Variants in DLC1 observed in about 807,000 individuals in gnomAD.
DLC1 encodes rho GTPase-activating protein 7.
In DLC1, 54 loss-of-function variants were observed where a neutral mutation model predicts 140.3. The observed-to-expected ratio is 0.38, with a 90% confidence interval of 0.31 to 0.48. The LOEUF is 0.48. DLC1 is among the 20% of genes least tolerant of loss of function. The pLI, the probability that DLC1 is intolerant of heterozygous loss-of-function variation, is 0.96. For missense variants in DLC1, 2,536 were observed against 1,907.0 expected (o/e 1.33, Z -6.14); for synonymous variants, 986 against 728.1 (o/e 1.35, Z -5.70).
At chr8:13,338,437 A>G (rs1833895826) in intron 4 of DLC1, 1 of 152,236 alleles carries the variant, frequency 6.6e-6, no homozygotes, top group Non-Finnish European at 1.5e-5. Flanking sequence ...TTAGAAAAGA[A>G]TAAATCATTC....
intron 2 of DLC1, among the ~76,000 whole-genome samples, chr8:13,448,048 G>A (rs1010965821): frequency 2.6e-5 from 4 of 152,160 alleles, no homozygotes; most frequent in Admixed American, 6.5e-5. Context: ...ATAACTAAAT[G>A]TTAATGACTT....
intron 5 of DLC1, among the ~76,000 whole-genome samples, chr8:13,127,630 G>C (rs772379887): frequency 1.3e-5 from 2 of 152,244 alleles, no homozygotes; most frequent in Non-Finnish European, 2.9e-5. Flanking sequence ...CTGTGGGGCA[G>C]CACCGTGCAT....
upstream of DLC1, among the ~76,000 whole-genome samples, chr8:13,518,120 G>GTTTTT (rs76744003): frequency 1.3e-5 from 2 of 151,756 alleles, no homozygotes; most frequent in African/African-American, 4.8e-5. Context: ...TTTTGTTTTT[G>GTTTTT]TTTTTGAGAC....
chr8:13,248,068 G>A (rs1829839194), intron 5 of DLC1, among the ~76,000 whole-genome samples: 1 of 152,230 alleles, frequency 6.6e-6, no homozygotes, highest in Admixed American at 6.5e-5. Context: ...CAGGAAAGCA[G>A]GCACCTGGTT....
intron 1 of DLC1, among the ~76,000 whole-genome samples, chr8:13,582,879 T>TATAA (rs1805161210): frequency 5.0e-4 from 3 of 6,016 alleles, no homozygotes; most frequent in Non-Finnish European, 8.4e-4. Flanking sequence ...TACTGTGGTC[T>TATAA]ATATATATAT....
At chr8:13,305,386 A>G in intron 4 of DLC1, 84 bp from the exon 5 acceptor site, 1 of 1,398,408 alleles carries the variant, frequency 7.2e-7, no homozygotes, top group Non-Finnish European at 9.7e-7. Flanking sequence ...AGTGTAATTA[A>G]TGACGCAAAA....
At position 13,090,193 on chromosome 8, in the gene DLC1, T is replaced by G. The variant is rs895253357; in HGVS notation, c.4074+59A>C. The G allele has an allele frequency of 2.6e-6, 4 of 1,522,784 alleles. No homozygotes were observed. In the Admixed American group the frequency reaches 7.2e-5, roughly 28 times the overall value. 94.3% of individuals were successfully genotyped at this position (1,522,784 alleles called of 1,614,324 possible). A position where few individuals can be genotyped will look rare whatever the true frequency, so the allele number is the denominator to read the frequency against. On this transcript the variant is annotated intron_variant, in intron 15 of 17. Coordinates refer to ENST00000276297, the MANE Select transcript of DLC1 (RefSeq NM_182643.3). Reference sequence around the variant, plus strand: ...TTAGTTGGCAAAAGCGTGTTATCTCTGATGGACCCAAGCTTCGACTCCTGG... The same window carrying G: ...TTAGTTGGCAAAAGCGTGTTATCTCGGATGGACCCAAGCTTCGACTCCTGG...
chr8:13,125,194 C>G (rs1206666549), intron 5 of DLC1, among the ~76,000 whole-genome samples: 2 of 152,206 alleles, frequency 1.3e-5, no homozygotes, highest in African/African-American at 4.8e-5. Context: ...CCAGGCTGGT[C>G]TCAAACTCCT....
At chr8:13,326,392 G>A (rs982061470) in intron 4 of DLC1, among the ~76,000 whole-genome samples, 2 of 152,138 alleles carry the variant, frequency 1.3e-5, no homozygotes, top group Middle Eastern at 3.2e-3. Context: ...ACATCCAAAG[G>A]CTGACCAAAA....
At chr8:13,226,563 A>G (rs1402901124) in intron 5 of DLC1, among the ~76,000 whole-genome samples, 1 of 152,228 alleles carries the variant, frequency 6.6e-6, no homozygotes, top group Non-Finnish European at 1.5e-5. Context: ...TTCTCTTAGC[A>G]GGTCACTAGT....
intron 5 of DLC1, among the ~76,000 whole-genome samples, chr8:13,287,547 C>T (rs1831576396): frequency 1.3e-5 from 2 of 152,276 alleles, no homozygotes; most frequent in East Asian, 3.9e-4. Context: ...GTTTAAAAAT[C>T]AGCCTCTGAA....
intron 4 of DLC1, among the ~76,000 whole-genome samples, chr8:13,326,304 G>C (rs975606070): frequency 5.3e-5 from 8 of 152,158 alleles, no homozygotes; most frequent in Non-Finnish European, 1.2e-4. Flanking sequence ...TTTTACTTAT[G>C]GAAGGGTTGC....
chr8:13,194,042 A>G (rs1313795494), intron 5 of DLC1, among the ~76,000 whole-genome samples: 1 of 152,236 alleles, frequency 6.6e-6, no homozygotes, highest in Non-Finnish European at 1.5e-5. Flanking sequence ...TCAATGATAG[A>G]GAGTGGCTAG....
chr8:13,255,014 T>C (rs1830161099), intron 5 of DLC1, among the ~76,000 whole-genome samples: 1 of 152,016 alleles, frequency 6.6e-6, no homozygotes, highest in South Asian at 2.1e-4. Flanking sequence ...TCCCACTCTG[T>C]TGCCCAGGCT....
chr8:13,483,297 T>C (rs563061393), intron 2 of DLC1, among the ~76,000 whole-genome samples: 1 of 152,274 alleles, frequency 6.6e-6, no homozygotes, highest in South Asian at 2.1e-4. Context: ...GCAAAGACCC[T>C]TTTTCCAAAC....
intron 5 of DLC1, chr8:13,276,214 T>C (rs1831156096): frequency 6.5e-7 from 1 of 1,529,816 alleles, no homozygotes; most frequent in Non-Finnish European, 8.7e-7. Context: ...AATTGTTTTC[T>C]TTTTAATACC....
chr8:13,588,606 A>G (rs1805411660), intron 1 of DLC1, among the ~76,000 whole-genome samples: 1 of 152,126 alleles, frequency 6.6e-6, no homozygotes, highest in Non-Finnish European at 1.5e-5. Flanking sequence ...TATATTCCAT[A>G]AAAGTGACAG....
chr8:13,471,371 G>A (rs1800198470), intron 2 of DLC1, among the ~76,000 whole-genome samples: 1 of 151,762 alleles, frequency 6.6e-6, no homozygotes, highest in Non-Finnish European at 1.5e-5. Context: ...TAGATTGATT[G>A]TGGCCATTAT....
At chr8:13,451,400 A>G (rs989634553) in intron 2 of DLC1, among the ~76,000 whole-genome samples, 1 of 152,140 alleles carries the variant, frequency 6.6e-6, no homozygotes. Flanking sequence ...TAGTTATTTT[A>G]AAATGTACAA....
Sources: gnomAD v4.1 joint callset for allele counts (sites outside exome capture counted in the v4.1 genomes callset) on GRCh38, gnomAD v4.1.1 for gene constraint, MANE v1.5 for transcripts, NCBI Gene and HGNC (gene_info 2026-07-23, HGNC 2026-07-21) for gene names.